The following LEPROTL1 variants were observed in gnomAD, a reference collection of about 807,000 sequenced individuals.
LEPROTL1 encodes leptin receptor overlapping transcript like 1, also known as leptin receptor overlapping transcript-like 1.
In LEPROTL1, 6 loss-of-function variants were observed where a neutral mutation model predicts 15.4. The ratio of observed to expected loss-of-function variants is 0.39; its 90% CI spans 0.21 to 0.77. The LOEUF is 0.77. Ranked by LOEUF, LEPROTL1 falls within the 30% of genes least tolerant of loss-of-function variation. The pLI, the probability that LEPROTL1 is intolerant of heterozygous loss-of-function variation, is 0.41. For missense variants in LEPROTL1, 128 were observed against 158.1 expected (o/e 0.81, Z 1.02); for synonymous variants, 56 against 52.6 (o/e 1.06, Z -0.28).
chr8:30,105,549 AT>A (rs1802549670), intron 3 of LEPROTL1, among the ~76,000 whole-genome samples, 196 bp from the exon 4 acceptor site: 1 of 147,888 alleles, frequency 6.8e-6, no homozygotes, highest in East Asian at 1.9e-4. Context: ...ATTTATATAT[AT>A]TTATACTATA....
chr8:30,116,351 T>C (rs1277166735), intron 3 of LEPROTL1, among the ~76,000 whole-genome samples: 1 of 152,184 alleles, frequency 6.6e-6, no homozygotes, highest in East Asian at 1.9e-4. Context: ...ACTGGTTTTG[T>C]GGAAGACAGT....
chr8:30,106,737 C>T lies in LEPROTL1; in HGVS notation c.*875C>T. On this transcript the variant is annotated 3_prime_UTR_variant, in exon 4 of 4. Transcript: ENST00000321250. ...CTCCTATCAACCTTTCATGTTTTAC[C>T]CTGTTAAAATGGACATACATGGAAC... 1 of 984,924 alleles carries T rather than the reference C, an allele frequency of 1.0e-6. No homozygotes were observed. Among genetic ancestry groups the T allele is most frequent in the Non-Finnish European group, 1.2e-6 (1 of 829,292 alleles). 61.0% of individuals were successfully genotyped at this position (984,924 alleles called of 1,614,324 possible). A position where few individuals can be genotyped will look rare whatever the true frequency, so the allele number is the denominator to read the frequency against.
chr8:30,134,538 A>G (rs1290412131), intron 4 of LEPROTL1, among the ~76,000 whole-genome samples: 1 of 151,828 alleles, frequency 6.6e-6, no homozygotes, highest in East Asian at 1.9e-4. Flanking sequence ...AATAAGTATC[A>G]TTTTCTTTTT....
exon 5 of LEPROTL1, chr8:30,137,680 T>C (rs535335574): frequency 4.5e-5 from 27 of 601,440 alleles, no homozygotes; most frequent in Admixed American, 2.4e-4. Flanking sequence ...CAAGCTGTCC[T>C]TGTTCATTCC....
chr8:30,117,610 GATCATCA>G, intron 3 of LEPROTL1: 1 of 1,445,682 alleles, frequency 6.9e-7, no homozygotes, highest in Non-Finnish European at 9.7e-7. Context: ...CCAGCTCTGT[GATCATCA>G]ATGATTTCAA....
At chr8:30,096,554 T>TA (rs1802370758) in intron 1 of LEPROTL1, 1 of 209,084 alleles carries the variant, frequency 4.8e-6, no homozygotes, top group African/African-American at 2.4e-5. Context: ...ATTTCCCATA[T>TA]AAAACCTTGT....
At position 30,129,754 on chromosome 8, in the gene LEPROTL1, CACAA is replaced by C. The variant is rs1192139415; in HGVS notation, c.280-2619_280-2616del. ...ACACACACACACACACACACACACA[CACAA>C]AGAACTACCTGAGACTGGGTAATTA... On this transcript the variant is annotated intron_variant, in intron 3 of 4. Coordinates refer to the LEPROTL1 transcript ENST00000442880. Among the ~76,000 whole-genome samples, 967 of 147,938 alleles carry C rather than the reference CACAA, an allele frequency of 6.5e-3. 14 individuals are homozygous for C. The highest frequency in any genetic ancestry group is 0.041 in the South Asian group (188 of 4,624).
intron 3 of LEPROTL1, among the ~76,000 whole-genome samples, chr8:30,122,260 C>G (rs755108786): frequency 5.3e-5 from 8 of 151,952 alleles, no homozygotes; most frequent in Non-Finnish European, 1.2e-4. Flanking sequence ...ACTAGATATC[C>G]ACATGCAAAG....
intron 3 of LEPROTL1, among the ~76,000 whole-genome samples, chr8:30,118,262 G>T (rs548405758): frequency 6.6e-6 from 1 of 152,168 alleles, no homozygotes; most frequent in South Asian, 2.1e-4. Flanking sequence ...TGATCCAACT[G>T]TCTTGGCCTC....
intron 1 of LEPROTL1, among the ~76,000 whole-genome samples, chr8:30,098,989 C>T (rs1421709619): frequency 1.3e-5 from 2 of 152,202 alleles, no homozygotes; most frequent in African/African-American, 4.8e-5. Flanking sequence ...GATTTCCTCC[C>T]TCCCCTCATA....
chr8:30,123,606 TCTCA>T (rs1204891563), intron 3 of LEPROTL1, among the ~76,000 whole-genome samples: 1 of 152,220 alleles, frequency 6.6e-6, no homozygotes, highest in Non-Finnish European at 1.5e-5. Flanking sequence ...TCCGTCTCTC[TCTCA>T]CTCACACACA....
intron 3 of LEPROTL1, chr8:30,105,172 G>A (rs1315101541): frequency 6.6e-6 from 1 of 152,256 alleles, no homozygotes; most frequent in Non-Finnish European, 1.5e-5. Flanking sequence ...CTGGCTACGG[G>A]TACTCAGTTC....
rs1933601238 is a variant in LEPROTL1 at position 30,106,582 on chromosome 8, G to A, written c.*720G>A. ...TTATGTTAAACTTTAAGGTAAGGGT[G>A]TAAAAACATTTTTGAGATAAGGTTT... On this transcript the variant is annotated 3_prime_UTR_variant, in exon 4 of 4. Coordinates refer to ENST00000321250, the MANE Select transcript of LEPROTL1 (RefSeq NM_015344.3). The A allele has an allele frequency of 3.0e-6, 3 of 983,726 alleles. No homozygotes were observed. In the South Asian group the frequency reaches 1.4e-4, roughly 46 times the overall value. The allele number at this position is 983,726 out of a possible 1,614,324, so 60.9% of individuals were successfully genotyped here.
intron 3 of LEPROTL1, among the ~76,000 whole-genome samples, chr8:30,116,466 G>A (rs978222552): frequency 5.9e-5 from 9 of 152,142 alleles, no homozygotes; most frequent in African/African-American, 1.7e-4. Flanking sequence ...TAGATCCCTC[G>A]CATGTGCAAT....
intron 3 of LEPROTL1, among the ~76,000 whole-genome samples, chr8:30,127,642 C>A (rs1211340117): frequency 6.7e-6 from 1 of 148,182 alleles, no homozygotes; most frequent in African/African-American, 2.5e-5. Context: ...GCATGCCAGC[C>A]TAGGTGACAG....
chr8:30,128,151 C>A (rs1156967125), intron 3 of LEPROTL1, among the ~76,000 whole-genome samples: 1 of 152,186 alleles, frequency 6.6e-6, no homozygotes, highest in Non-Finnish European at 1.5e-5. Context: ...TGGCTCCAGT[C>A]TACATCTCTG....
rs1470929284 is a variant in LEPROTL1 at position 30,097,696 on chromosome 8, T to TACAC, written c.16+2169_16+2170insCACA. ...CAAAAAAAAAAAAAATATATATATA[T>TACAC]ATACACACACACACACACACACACA... On this transcript the variant is annotated intron_variant, in intron 1 of 3. Coordinates refer to ENST00000321250, the MANE Select transcript of LEPROTL1 (RefSeq NM_015344.3). 4.0e-4 allele frequency among the ~76,000 whole-genome samples: 44 copies of TACAC among 108,960 alleles called. 1 individual carries two copies. Among genetic ancestry groups the TACAC allele is most frequent in the South Asian group, 9.8e-4 (3 of 3,062 alleles). The allele number at this position is 108,960 out of a possible 152,430, so 71.5% of individuals were successfully genotyped here. A position where few individuals can be genotyped will look rare whatever the true frequency, so the allele number is the denominator to read the frequency against.
At chr8:30,103,868 CTTT>C in intron 2 of LEPROTL1, among the ~76,000 whole-genome samples, 1 of 151,872 alleles carries the variant, frequency 6.6e-6, no homozygotes, top group African/African-American at 2.4e-5. Flanking sequence ...TTCTTTTTAA[CTTT>C]TTATTTTGAA....
chr8:30,117,715 T>C (rs11986381), intron 3 of LEPROTL1: 1,202,795 of 1,293,200 alleles, frequency 0.93, 560,770 homozygotes, highest in South Asian at 0.98. Context: ...TGGCTGGCGT[T>C]TGCCTCTCTT....
Sources: allele counts gnomAD v4.1 joint callset (sites outside exome capture counted in the v4.1 genomes callset), GRCh38; gene constraint gnomAD v4.1.1; transcripts MANE v1.5; gene names NCBI Gene and HGNC (gene_info 2026-07-23, HGNC 2026-07-21).